The following TMEM114 variants were observed in gnomAD, a reference collection of about 807,000 sequenced individuals.
TMEM114 encodes transmembrane protein 114.
Under a neutral mutation model 6.2 loss-of-function variants are expected in TMEM114, and 6 were observed. That is an observed-to-expected ratio of 0.97 (90% CI 0.53 to 1.91). The LOEUF (loss-of-function observed/expected upper bound fraction) is 1.91. Among genes scored for constraint, TMEM114 ranks in the 40% most tolerant of loss-of-function variants. The pLI is 0.01. For missense variants in TMEM114, 218 were observed against 158.3 expected (o/e 1.38, Z -2.02); for synonymous variants, 104 against 73.0 (o/e 1.42, Z -2.16).
downstream of TMEM114, among the ~76,000 whole-genome samples, chr16:8,534,916 C>A (rs1399708044): frequency 6.6e-6 from 1 of 152,172 alleles, no homozygotes; most frequent in Non-Finnish European, 1.5e-5. Flanking sequence ...TAACATGTGC[C>A]CAGCACTTAG....
At chr16:8,567,090 G>A (rs1555464311), downstream of TMEM114, among the ~76,000 whole-genome samples, 1 of 141,510 alleles carries the variant, frequency 7.1e-6, no homozygotes, top group African/African-American at 2.6e-5. Context: ...TGTATTTTTA[G>A]TAGAGATGGG....
intron 2 of TMEM114, among the ~76,000 whole-genome samples, chr16:8,543,939 T>G (rs1900588126): frequency 6.6e-6 from 1 of 152,236 alleles, no homozygotes; most frequent in African/African-American, 2.4e-5. Context: ...TGCATCTCTC[T>G]TCATAAACCA....
At chr16:8,534,828 G>C (rs1900310789), downstream of TMEM114, among the ~76,000 whole-genome samples, 1 of 152,206 alleles carries the variant, frequency 6.6e-6, no homozygotes, top group African/African-American at 2.4e-5. Context: ...GGGCCTTTGG[G>C]CAAATCTGCT....
downstream of TMEM114, among the ~76,000 whole-genome samples, chr16:8,567,730 T>G (rs555564263): frequency 3.9e-5 from 6 of 152,262 alleles, no homozygotes; most frequent in South Asian, 1.2e-3. Context: ...AATCCAGCAC[T>G]TGGGCGCTAG....
At chr16:8,558,567 T>C (rs1016279686) in intron 2 of TMEM114, among the ~76,000 whole-genome samples, 2 of 152,190 alleles carry the variant, frequency 1.3e-5, no homozygotes, top group South Asian at 4.1e-4. Flanking sequence ...TAAGGTCACA[T>C]TTATAGGTAG....
At chr16:8,551,847 C>T (rs1259255554) in intron 2 of TMEM114, among the ~76,000 whole-genome samples, 1 of 152,184 alleles carries the variant, frequency 6.6e-6, no homozygotes. Flanking sequence ...CCCAAATGTC[C>T]TTCACTAGGT....
intron 2 of TMEM114, among the ~76,000 whole-genome samples, chr16:8,576,654 A>ATTCTG (rs1901938924): frequency 2.0e-5 from 3 of 152,100 alleles, no homozygotes; most frequent in African/African-American, 7.2e-5. Flanking sequence ...AGAACCTAGA[A>ATTCTG]TGTAGTACAT....
chr16:8,527,832 G>T, the TMEM114 span, among the ~76,000 whole-genome samples: 4 of 152,176 alleles, frequency 2.6e-5, no homozygotes, highest in East Asian at 7.7e-4. Flanking sequence ...GGGTCTGTGA[G>T]CTATTTGCAA....
the TMEM114 span, among the ~76,000 whole-genome samples, chr16:8,531,472 C>G: frequency 6.6e-6 from 1 of 152,188 alleles, no homozygotes; most frequent in Non-Finnish European, 1.5e-5. Context: ...TGAGAGTTAT[C>G]ACAAGGGAAG....
chr16:8,532,293 G>A, the TMEM114 span, among the ~76,000 whole-genome samples: 1 of 152,120 alleles, frequency 6.6e-6, no homozygotes. Context: ...TTTTCACTCT[G>A]CCTCTAGCCC....
In TMEM114 at chr16:8,576,421, C is replaced by A. The variant is rs114857595; in HGVS notation, c.302-4197G>T. Among the ~76,000 whole-genome samples, 764 of 152,314 alleles carry A rather than the reference C, an allele frequency of 5.0e-3. 5 individuals carry two copies. The highest frequency in any genetic ancestry group is 0.018 in the African/African-American group (732 of 41,574). ...ATGGAGTGTGTTCTCCTTTGCTGCA[C>A]TGAGTAATAAACCCCAACTTGAACT... On this transcript the variant is annotated intron_variant, in intron 2 of 3. Coordinates refer to ENST00000620492, the MANE Select transcript of TMEM114 (RefSeq NM_001146336.2).
At chr16:8,580,725 C>G (rs758298203) in intron 2 of TMEM114, among the ~76,000 whole-genome samples, 7 of 152,172 alleles carry the variant, frequency 4.6e-5, no homozygotes, top group Non-Finnish European at 1.0e-4. Flanking sequence ...GGGTCTCACT[C>G]TGACACCCAG....
intron 2 of TMEM114, among the ~76,000 whole-genome samples, chr16:8,542,886 C>T (rs1330927935): frequency 6.6e-6 from 1 of 152,068 alleles, no homozygotes; most frequent in Non-Finnish European, 1.5e-5. Context: ...ATTGAAATGC[C>T]AGAATGTATG....
At chr16:8,543,669 C>T (rs934754879) in intron 2 of TMEM114, among the ~76,000 whole-genome samples, 2 of 152,154 alleles carry the variant, frequency 1.3e-5, no homozygotes, top group African/African-American at 2.4e-5. Flanking sequence ...GCTCCTAGAG[C>T]CTCCTGACCT....
At chr16:8,529,985 T>A in the TMEM114 span, among the ~76,000 whole-genome samples, 1 of 152,338 alleles carries the variant, frequency 6.6e-6, no homozygotes, top group South Asian at 2.1e-4. Context: ...CTTCTTTGAC[T>A]GATGGTTCTA....
chr16:8,554,783 G>A (rs952260135), intron 2 of TMEM114, among the ~76,000 whole-genome samples: 2 of 152,252 alleles, frequency 1.3e-5, no homozygotes, highest in Non-Finnish European at 2.9e-5. Context: ...TTTGCCTGCT[G>A]TAACTTATGC....
chr16:8,542,016 G>T (rs1474760638), intron 2 of TMEM114, among the ~76,000 whole-genome samples: 1 of 152,262 alleles, frequency 6.6e-6, no homozygotes, highest in African/African-American at 2.4e-5. Context: ...CTTTCACCAG[G>T]ACAGCATGGT....
chr16:8,569,946 C>T lies in TMEM114; in HGVS notation c.499G>A (p.Glu167Lys), dbSNP rs1446092143. ...TTCTCCTCCAAGAGACACAGCGCCT[C>T]CCGGAAGGCGGCGGCTGAATACGCT... ...YIAYSAAAFR[E>K]ALCLLEEKAL... is the part of the protein sequence containing the mutation. The change falls in exon 4 of 4, where the codon GAG becomes AAG. Residue 167 changes from glutamate (E) to lysine (K), a missense_variant. Coordinates refer to ENST00000620492, the MANE Select transcript of TMEM114 (RefSeq NM_001146336.2). The T allele has an allele frequency of 6.4e-7, 1 of 1,551,072 alleles. No homozygotes were observed.
Position 8,570,045 on chromosome 16 carries a change from C to T in TMEM114, c.440-40G>A, listed in dbSNP as rs962488476. On this transcript the variant is annotated intron_variant, in intron 3 of 3. Transcript: ENST00000620492. ...AAGGGAGAGCAGATCAATCCCCCAC[C>T]CCGCCCCAGCACTCCCCTCCTCCTC... The T allele has an allele frequency of 6.6e-6, 10 of 1,519,478 alleles. No homozygotes were observed. In the Admixed American group the frequency reaches 2.0e-4, roughly 30 times the overall value. 94.1% of individuals were successfully genotyped at this position (1,519,478 alleles called of 1,614,324 possible). A position where few individuals can be genotyped will look rare whatever the true frequency, so the allele number is the denominator to read the frequency against.
Sources: allele counts gnomAD v4.1 joint callset (sites outside exome capture counted in the v4.1 genomes callset), GRCh38; gene constraint gnomAD v4.1.1; transcripts MANE v1.5; gene names NCBI Gene and HGNC (gene_info 2026-07-23, HGNC 2026-07-21).